Variants in KIRREL3 observed in about 807,000 individuals in gnomAD.
KIRREL3 encodes the protein kirre like nephrin family adhesion molecule 3.
Under a neutral mutation model 89.7 loss-of-function variants are expected in KIRREL3, and 36 were observed. The observed-to-expected ratio is 0.40, with a 90% CI of 0.31 to 0.53. KIRREL3 has a LOEUF of 0.53. Among genes scored for constraint, KIRREL3 ranks in the 20% least tolerant of loss-of-function variants. The pLI, the probability that KIRREL3 is intolerant of heterozygous loss-of-function variation, is 0.49. For missense variants in KIRREL3, 864 were observed against 1,056.6 expected (o/e 0.82, Z 2.53); for synonymous variants, 445 against 441.4 (o/e 1.01, Z -0.10).
At position 126,498,903 on chromosome 11, in the gene KIRREL3, G is replaced by A. The variant is rs552774121; in HGVS notation, c.433+22412C>T. Reference sequence around the variant, plus strand: ...TGTGTGGGCCAGGTGCAGTGGGTCCGCCTGTAATCCCAGCACTTTGGGAGG... The same window carrying A: ...TGTGTGGGCCAGGTGCAGTGGGTCCACCTGTAATCCCAGCACTTTGGGAGG... On this transcript the variant is annotated intron_variant, in intron 4 of 16. Coordinates refer to ENST00000525144, the MANE Select transcript of KIRREL3 (RefSeq NM_032531.4). This position sits in a 1 kb window ranked among gnomAD's most constrained non-coding sequence, Gnocchi z 4.3. 4.3e-4 allele frequency among the ~76,000 whole-genome samples: 65 copies of A among 152,322 alleles called. 1 individual carries two copies. Among genetic ancestry groups the A allele is most frequent in the African/African-American group, 1.4e-3 (60 of 41,580 alleles).
chr11:126,503,934 G>A (rs1399049433), intron 4 of KIRREL3, among the ~76,000 whole-genome samples: 15 of 151,970 alleles, frequency 9.9e-5, no homozygotes, highest in Admixed American at 9.8e-4. Flanking sequence ...ACACAGTCTG[G>A]AGAAATAAAT....
In KIRREL3 at chr11:126,492,408, G is replaced by C. The variant is rs1157420328; in HGVS notation, c.434-18942C>G. Among the ~76,000 whole-genome samples the C allele has an allele frequency of 2.0e-5, 3 of 152,154 alleles. No individual in the cohort carries two copies. The highest frequency in any genetic ancestry group is 4.4e-5 in the Non-Finnish European group (3 of 68,016). On this transcript the variant is annotated intron_variant, in intron 4 of 16. Transcript: ENST00000525144. This position sits in a 1 kb window ranked among gnomAD's most constrained non-coding sequence, Gnocchi z 4.8. ...CTCTGCAAAGCCCCTCTCAGCCCCT[G>C]TCCACTCAAGTACTTCCTCATTAGT...
chr11:126,572,475 C>T (rs114438373), intron 1 of KIRREL3, among the ~76,000 whole-genome samples: 507 of 152,296 alleles, frequency 3.3e-3, no homozygotes, highest in African/African-American at 0.012. Flanking sequence ...CCATTTGGTT[C>T]CAGAGCCCAG....
chr11:126,435,427 C>T (rs1217063574), intron 12 of KIRREL3, 124 bp from the exon 13 acceptor site: 2 of 925,928 alleles, frequency 2.2e-6, no homozygotes, highest in South Asian at 2.8e-5. Flanking sequence ...GTCTCTGGGA[C>T]CCCCCAACAG....
intron 1 of KIRREL3, among the ~76,000 whole-genome samples, chr11:126,842,689 T>C (rs1457260740): frequency 1.3e-5 from 2 of 152,174 alleles, no homozygotes; most frequent in Non-Finnish European, 2.9e-5. Flanking sequence ...TCATTCCCAC[T>C]GCAGGTGATA....
chr11:126,525,905 T>C lies in KIRREL3; in HGVS notation c.283+633A>G, dbSNP rs563677290. Among the ~76,000 whole-genome samples the C allele has an allele frequency of 7.2e-5, 11 of 152,320 alleles. No individual in the cohort carries two copies. Among genetic ancestry groups the C allele is most frequent in the Middle Eastern group, 3.4e-3 (1 of 294 alleles). On this transcript the variant is annotated intron_variant, in intron 3 of 16. Transcript: ENST00000525144. This position sits in a 1 kb window ranked among gnomAD's most constrained non-coding sequence, Gnocchi z 5.4. The stretch of plus-strand genomic sequence containing the variant: ...ACAATAGTTAACAAATGATCTGTTG[T>C]CAGCACTGGCCAGTGAGTTCACGTG...
rs555070664 is a variant in KIRREL3, at chr11:126,530,901, G to A, written c.134-4214C>T. Among the ~76,000 whole-genome samples the A allele has an allele frequency of 3.5e-4, 53 of 151,968 alleles. No individual in the cohort carries two copies. Among genetic ancestry groups the A allele is most frequent in the Non-Finnish European group, 4.9e-4 (33 of 67,976 alleles). Reference sequence around the variant, plus strand: ...GCTGGAGTGCAGTGGTGCGATCTCCGCTCATTGCAACCTTTGCCTCCCGGG... The same window carrying A: ...GCTGGAGTGCAGTGGTGCGATCTCCACTCATTGCAACCTTTGCCTCCCGGG... On this transcript the variant is annotated intron_variant, in intron 2 of 16. Coordinates refer to ENST00000525144, the MANE Select transcript of KIRREL3 (RefSeq NM_032531.4). The surrounding 1 kb of genome is among the most constrained non-coding windows in gnomAD (Gnocchi z 5.8).
intron 1 of KIRREL3, among the ~76,000 whole-genome samples, chr11:126,868,787 C>G (rs2134656898): frequency 6.6e-6 from 1 of 152,180 alleles, no homozygotes; most frequent in Non-Finnish European, 1.5e-5. Flanking sequence ...TGACAAACAA[C>G]AGAGATTTAC....
chr11:126,847,591 A>G (rs760495781), intron 1 of KIRREL3, among the ~76,000 whole-genome samples: 3 of 152,210 alleles, frequency 2.0e-5, no homozygotes, highest in Admixed American at 6.5e-5. Context: ...TGAAATGTTC[A>G]TGAACATCAA....
Position 126,668,731 on chromosome 11 carries a change from TTCTTTCTTTC to T in KIRREL3, c.56-105829_56-105820del, listed in dbSNP as rs770340497. Reference sequence around the variant, plus strand: ...TTTCTTTCTTTCTTTCTTTCTTTCTTTCTTTCTTTCTTTCTTTCTTTCTTTTTTCTCTTTC... The same window carrying T: ...TTTCTTTCTTTCTTTCTTTCTTTCTTTTTCTTTCTTTCTTTTTTCTCTTTC... On this transcript the variant is annotated intron_variant, in intron 1 of 16. Transcript: ENST00000525144. The surrounding 1 kb of genome is among the most constrained non-coding windows in gnomAD (Gnocchi z 4.4). 2.9e-4 allele frequency among the ~76,000 whole-genome samples: 37 copies of T among 125,474 alleles called. No homozygotes were observed. Among genetic ancestry groups the T allele is most frequent in the South Asian group, 2.2e-3 (8 of 3,688 alleles). 82.3% of individuals were successfully genotyped at this position (125,474 alleles called of 152,430 possible). A position where few individuals can be genotyped will look rare whatever the true frequency, so the allele number is the denominator to read the frequency against.
intron 1 of KIRREL3, among the ~76,000 whole-genome samples, chr11:126,885,659 C>A (rs1023115367): frequency 1.3e-5 from 2 of 152,106 alleles, no homozygotes; most frequent in African/African-American, 4.8e-5. Flanking sequence ...GCAGGTAATT[C>A]TTTCATGGTT....
At chr11:126,660,126 G>T (rs1945328583) in intron 1 of KIRREL3, among the ~76,000 whole-genome samples, 1 of 152,196 alleles carries the variant, frequency 6.6e-6, no homozygotes, top group African/African-American at 2.4e-5. Context: ...CGATGCCAGG[G>T]TATGTGAAGG....
intron 1 of KIRREL3, among the ~76,000 whole-genome samples, chr11:126,712,027 C>T (rs1473427004): frequency 6.6e-6 from 1 of 152,212 alleles, no homozygotes; most frequent in Non-Finnish European, 1.5e-5. Flanking sequence ...CAAGGTGGTC[C>T]GGGCCTTCTG....
intron 2 of KIRREL3, among the ~76,000 whole-genome samples, chr11:126,532,677 AGAT>A (rs60782848): frequency 0.45 from 68,438 of 151,710 alleles, 16,234 homozygotes; most frequent in East Asian, 0.86. Context: ...CACCTGGCCC[AGAT>A]GATCTAAAGG....
At position 126,683,007 on chromosome 11, in the gene KIRREL3, A is replaced by T. The variant is rs1416757891; in HGVS notation, c.56-120095T>A. Reference sequence around the variant, plus strand: ...GTAGCTAGGACTTCAGGCATGCACTACTATGCCTGGGTAACTTTTTTGATT... The same window carrying T: ...GTAGCTAGGACTTCAGGCATGCACTTCTATGCCTGGGTAACTTTTTTGATT... On this transcript the variant is annotated intron_variant, in intron 1 of 16. Transcript: ENST00000525144. This position sits in a 1 kb window ranked among gnomAD's most constrained non-coding sequence, Gnocchi z 5.2. 2.0e-5 allele frequency among the ~76,000 whole-genome samples: 3 copies of T among 152,272 alleles called. No homozygotes were observed. The highest frequency in any genetic ancestry group is 7.2e-5 in the African/African-American group (3 of 41,568).
Position 126,505,176 on chromosome 11 carries a change from A to T in KIRREL3, c.433+16139T>A, listed in dbSNP as rs112939193. On this transcript the variant is annotated intron_variant, in intron 4 of 16. Transcript: ENST00000525144. The stretch of plus-strand genomic sequence containing the variant: ...AGCCAGTGCAATAAGACAAAAATGC[A>T]TTAGGTTGGAAAAGACAAAGTAAAA... 3.7e-3 allele frequency among the ~76,000 whole-genome samples: 559 copies of T among 152,360 alleles called. 5 individuals are homozygous for T. Among genetic ancestry groups the T allele is most frequent in the African/African-American group, 0.013 (539 of 41,582 alleles).
chr11:126,690,376 T>TC (rs1555176303), intron 1 of KIRREL3, among the ~76,000 whole-genome samples: 11 of 151,754 alleles, frequency 7.2e-5, no homozygotes, highest in African/African-American at 2.2e-4. Context: ...TTTTTTTTTT[T>TC]CCCATTAGTT....
At position 126,776,112 on chromosome 11, in the gene KIRREL3, G is replaced by A. The variant is rs1390532910; in HGVS notation, c.56-213200C>T. ...ATTGTGGGGTGACCTTCGCTGCAGG[G>A]GATCCCTGAGTTTCTGCCAGCTCTG... On this transcript the variant is annotated intron_variant, in intron 1 of 16. Coordinates refer to ENST00000525144, the MANE Select transcript of KIRREL3 (RefSeq NM_032531.4). The surrounding 1 kb of genome is among the most constrained non-coding windows in gnomAD (Gnocchi z 4.7). 6.6e-6 allele frequency among the ~76,000 whole-genome samples: 1 copy of A among 152,154 alleles called. No individual in the cohort carries two copies. Among genetic ancestry groups the A allele is most frequent in the African/African-American group, 2.4e-5 (1 of 41,434 alleles).
chr11:126,526,751 C>G lies in KIRREL3; in HGVS notation c.134-64G>C. The G allele has an allele frequency of 6.6e-7, 1 of 1,503,764 alleles. No individual in the cohort carries two copies. The highest frequency in any genetic ancestry group is 9.0e-7 in the Non-Finnish European group (1 of 1,109,476). 93.2% of individuals were successfully genotyped at this position (1,503,764 alleles called of 1,614,324 possible). On this transcript the variant is annotated intron_variant, in intron 2 of 16. Coordinates refer to ENST00000525144, the MANE Select transcript of KIRREL3 (RefSeq NM_032531.4). This position sits in a 1 kb window ranked among gnomAD's most constrained non-coding sequence, Gnocchi z 5.7. ...GCTACAGGGGCGAGAAGGCTCCCCT[C>G]CAGCTATGGAAGCAGAGCAGGGCTG...
Sources: allele counts gnomAD v4.1 joint callset (sites outside exome capture counted in the v4.1 genomes callset), GRCh38; gene constraint gnomAD v4.1.1; non-coding constraint Gnocchi (gnomAD v3.1); transcripts MANE v1.5; gene names NCBI Gene and HGNC (gene_info 2026-07-23, HGNC 2026-07-21).